AGMO: variants seen among roughly 807,000 people sequenced by gnomAD.
AGMO encodes glyceryl-ether monooxygenase.
Under a neutral mutation model 60.2 loss-of-function variants are expected in AGMO, and 75 were observed. The observed-to-expected ratio is 1.25, with a 90% CI of 1.03 to 1.51. AGMO has a LOEUF of 1.51. AGMO is among the 40% of genes most tolerant of loss of function. The pLI is 0.00. For missense variants in AGMO, 763 were observed against 525.5 expected (o/e 1.45, Z -4.42); for synonymous variants, 261 against 177.1 (o/e 1.47, Z -3.76).
chr7:15,516,757 TC>T (rs1460851858), intron 3 of AGMO, among the ~76,000 whole-genome samples: 1 of 151,062 alleles, frequency 6.6e-6, no homozygotes, highest in Non-Finnish European at 1.5e-5. Flanking sequence ...AAAAGTTACA[TC>T]CTTTTTTTTT....
intron 12 of AGMO, among the ~76,000 whole-genome samples, chr7:15,232,154 A>G (rs1782281215): frequency 6.6e-6 from 1 of 152,166 alleles, no homozygotes; most frequent in South Asian, 2.1e-4. Context: ...GATCTTTTCA[A>G]TGCAAGAAAT....
chr7:15,168,578 T>C, the AGMO span, among the ~76,000 whole-genome samples: 1 of 152,202 alleles, frequency 6.6e-6, no homozygotes, highest in Non-Finnish European at 1.5e-5. Flanking sequence ...TACCACTTGG[T>C]CTTCTTTTGG....
Position 15,548,071 on chromosome 7 carries a change from G to T in AGMO, c.258-3148C>A, listed in dbSNP as rs547423879. ...GCAGGGGCACACTGACACCTCACAC[G>T]GCAGGGTATTCCAACAGACCTGCAG... On this transcript the variant is annotated intron_variant, in intron 2 of 12. Transcript: ENST00000342526. 8.4e-4 allele frequency among the ~76,000 whole-genome samples: 127 copies of T among 152,046 alleles called. 2 individuals carry two copies. The Middle Eastern group carries it at 0.014, about 16-fold the overall frequency.
intron 12 of AGMO, among the ~76,000 whole-genome samples, chr7:15,281,731 G>T (rs1274833576): frequency 1.3e-5 from 2 of 152,110 alleles, no homozygotes; most frequent in Non-Finnish European, 2.9e-5. Flanking sequence ...TCTACCCAGG[G>T]ACACCACTCC....
downstream of AGMO, among the ~76,000 whole-genome samples, chr7:15,198,452 G>A (rs555167924): frequency 7.2e-5 from 11 of 152,304 alleles, no homozygotes; most frequent in Non-Finnish European, 1.3e-4. Context: ...GGTTAATAAT[G>A]CACAGAGGCC....
the AGMO span, among the ~76,000 whole-genome samples, chr7:15,180,815 G>A: frequency 2.0e-5 from 3 of 152,056 alleles, no homozygotes; most frequent in African/African-American, 7.2e-5. Flanking sequence ...TCACAGACTG[G>A]GTAATTTATA....
At chr7:15,530,834 C>CTA (rs200029392) in intron 3 of AGMO, among the ~76,000 whole-genome samples, 6 of 79,088 alleles carry the variant, frequency 7.6e-5, no homozygotes, top group African/African-American at 1.3e-4. Flanking sequence ...TATATATATT[C>CTA]TATATATATA....
chr7:15,541,747 A>G (rs574044445), intron 3 of AGMO, among the ~76,000 whole-genome samples: 38 of 152,330 alleles, frequency 2.5e-4, no homozygotes, highest in African/African-American at 8.9e-4. Flanking sequence ...AACAAATGAC[A>G]ACAACAACAA....
intron 12 of AGMO, among the ~76,000 whole-genome samples, chr7:15,317,862 CACACACGTATATATATAT>C (rs1343080131): frequency 1.9e-4 from 29 of 150,158 alleles, no homozygotes; most frequent in Non-Finnish European, 7.4e-5. Context: ...TATACACACA[CACACACGTATATATATAT>C]ACACACGTAT....
chr7:15,522,641 A>T (rs1583642266), intron 3 of AGMO, among the ~76,000 whole-genome samples: 3 of 152,310 alleles, frequency 2.0e-5, no homozygotes, highest in Admixed American at 2.0e-4. Flanking sequence ...CTGGCTAGCC[A>T]TATGCAGAAA....
rs552000077 is a variant in AGMO at position 15,217,282 on chromosome 7, G to A, written c.1264-15923C>T. On this transcript the variant is annotated intron_variant, in intron 12 of 12. Coordinates refer to ENST00000342526, the MANE Select transcript of AGMO (RefSeq NM_001004320.2). ...TATCCCAAGGAACATGGGAAGCCCA[G>A]GGATATTGACAATCTCAACTGAGGA... Among the ~76,000 whole-genome samples, 5 of 152,100 alleles carry A rather than the reference G, an allele frequency of 3.3e-5. No individual in the cohort carries two copies. In the South Asian group the frequency reaches 1.0e-3, roughly 32 times the overall value.
chr7:15,134,104 T>A, the AGMO span, among the ~76,000 whole-genome samples: 438 of 152,070 alleles, frequency 2.9e-3, 2 homozygotes, highest in Middle Eastern at 0.02. Context: ...GTCACAGGGG[T>A]TTGATGTACA....
At chr7:15,212,877 TTAAA>T (rs1781633092) in intron 12 of AGMO, among the ~76,000 whole-genome samples, 1 of 151,964 alleles carries the variant, frequency 6.6e-6, no homozygotes, top group African/African-American at 2.4e-5. Flanking sequence ...AATGTTCAAT[TTAAA>T]TAAGGTACAT....
downstream of AGMO, among the ~76,000 whole-genome samples, chr7:15,195,713 ACTG>A (rs554329929): frequency 6.6e-4 from 101 of 152,158 alleles, no homozygotes; most frequent in South Asian, 2.1e-3. Context: ...GATTTTACAG[ACTG>A]CTTTTTGTTA....
At chr7:15,529,591 TAA>T (rs1784227262) in intron 3 of AGMO, among the ~76,000 whole-genome samples, 1 of 81,858 alleles carries the variant, frequency 1.2e-5, no homozygotes, top group African/African-American at 4.9e-5. Flanking sequence ...ATATAGTATA[TAA>T]ACTCTATATA....
chr7:15,314,352 A>G lies in AGMO; in HGVS notation c.1263+51162T>C, dbSNP rs192966518. Among the ~76,000 whole-genome samples, 132 of 152,314 alleles carry G rather than the reference A, an allele frequency of 8.7e-4. No individual in the cohort carries two copies. The East Asian group carries it at 0.022, about 25-fold the overall frequency. ...CAGATAAGATGGGACTACAGTAATG[A>G]TATAATTGAGTCATACATATATTTT... On this transcript the variant is annotated intron_variant, in intron 12 of 12. Coordinates refer to ENST00000342526, the MANE Select transcript of AGMO (RefSeq NM_001004320.2).
chr7:15,358,055 T>C (rs1007857507), intron 12 of AGMO, among the ~76,000 whole-genome samples: 13 of 152,238 alleles, frequency 8.5e-5, no homozygotes, highest in Non-Finnish European at 1.6e-4. Flanking sequence ...CATTATCTGA[T>C]ACATATATGT....
chr7:15,441,696 T>C lies in AGMO; in HGVS notation c.410-10588A>G, dbSNP rs147776573. 8.6e-3 allele frequency among the ~76,000 whole-genome samples: 1,308 copies of C among 152,280 alleles called. 23 individuals carry two copies. The highest frequency in any genetic ancestry group is 0.03 in the African/African-American group (1,247 of 41,554). On this transcript the variant is annotated intron_variant, in intron 3 of 12. Transcript: ENST00000342526. The stretch of plus-strand genomic sequence containing the variant: ...CCTGCGGTAAGACACAATGAACTTC[T>C]ACCATATTATATTTGGAACAATGCT...
At chr7:15,314,345 A>G (rs962912406) in intron 12 of AGMO, among the ~76,000 whole-genome samples, 1 of 152,184 alleles carries the variant, frequency 6.6e-6, no homozygotes, top group Non-Finnish European at 1.5e-5. Flanking sequence ...ATGGGACTAC[A>G]GTAATGATAT....
Sources: gnomAD v4.1 joint callset for allele counts (sites outside exome capture counted in the v4.1 genomes callset) on GRCh38, gnomAD v4.1.1 for gene constraint, MANE v1.5 for transcripts, NCBI Gene and HGNC (gene_info 2026-07-23, HGNC 2026-07-21) for gene names.